Variants in EMB observed in about 807,000 individuals in gnomAD.
EMB encodes the protein embigin.
A neutral mutation model predicts 41.4 loss-of-function variants in EMB; 31 were observed. That is an observed-to-expected ratio of 0.75 (90% confidence interval 0.56 to 1.01). The LOEUF (loss-of-function observed/expected upper bound fraction) is 1.01. Ranked by LOEUF, EMB falls within the 50% of genes least tolerant of loss-of-function variation. The pLI, the probability that EMB is intolerant of heterozygous loss-of-function variation, is 0.00. For synonymous variants in EMB, 137 were observed against 140.4 expected (o/e 0.98, Z 0.17); for missense variants, 379 against 388.3 (o/e 0.98, Z 0.20).
At chr5:50,416,106 AGCAT>A (rs1218716151) in intron 2 of EMB, among the ~76,000 whole-genome samples, 1 of 152,174 alleles carries the variant, frequency 6.6e-6, no homozygotes, top group Non-Finnish European at 1.5e-5. Context: ...AAGAAATCAC[AGCAT>A]CAAAAACATG....
chr5:50,401,291 A>C lies in EMB; in HGVS notation c.911+995T>G, dbSNP rs748608555. On this transcript the variant is annotated intron_variant, in intron 7 of 8. Coordinates refer to ENST00000303221, the MANE Select transcript of EMB (RefSeq NM_198449.3). ...TTATTTTAGCAGCCTATGTGAATGG[A>C]GTCAACATGATTATCTGAATAATGT... Among the ~76,000 whole-genome samples, 6 of 152,098 alleles carry C rather than the reference A, an allele frequency of 3.9e-5. No homozygotes were observed. In the South Asian group the frequency reaches 1.0e-3, roughly 26 times the overall value.
Position 50,411,254 on chromosome 5 carries a change from T to C in EMB, c.326A>G (p.Gln109Arg). ...VNVTWKKDGE[Q>R]LENNYLVSAT... ...ACTGACAAGATAATTATTCTCAAGT[T>C]GTTCACCATCTTTTTTCCAAGTCAC... Residue 109 changes from glutamine to arginine, a missense_variant, in exon 3 of 9, where the codon CAA becomes CGA. Gln to Arg is a conservative substitution (Grantham distance 43). Coordinates refer to ENST00000303221, the MANE Select transcript of EMB (RefSeq NM_198449.3). The C allele has an allele frequency of 6.2e-7, 1 of 1,613,090 alleles. No homozygotes were observed. Among genetic ancestry groups the C allele is most frequent in the Non-Finnish European group, 8.5e-7 (1 of 1,179,386 alleles).
At chr5:50,407,779 A>G (rs573454949) in intron 4 of EMB, among the ~76,000 whole-genome samples, 2 of 152,080 alleles carry the variant, frequency 1.3e-5, no homozygotes, top group East Asian at 3.9e-4. Flanking sequence ...ATAAAGTAGG[A>G]TGCATACGAG....
At chr5:50,410,296 T>C (rs1462724716) in intron 4 of EMB, among the ~76,000 whole-genome samples, 4 of 152,142 alleles carry the variant, frequency 2.6e-5, no homozygotes, top group African/African-American at 7.2e-5. Context: ...TGAGACCTTC[T>C]TGAGTTTTGG....
At position 50,399,295 on chromosome 5, in the gene EMB, G is replaced by C; in HGVS notation, c.967-5C>G. On this transcript the variant is annotated splice_polypyrimidine_tract_variant and splice_region_variant and intron_variant, in intron 8 of 8. Transcript: ENST00000303221. ...TATTCACTGGCCCAGAGACTCCTGA[G>C]TTAAATAAAGCATAATCAAATATAA... 6.2e-7 allele frequency: 1 copy of C among 1,607,604 alleles called. No homozygotes were observed. The highest frequency in any genetic ancestry group is 8.5e-7 in the Non-Finnish European group (1 of 1,176,368).
chr5:50,428,626 C>A, intron 1 of EMB: 1 of 986,046 alleles, frequency 1.0e-6, no homozygotes, highest in South Asian at 4.7e-5. Flanking sequence ...ACAGGCAGAC[C>A]TTAATAAAGA....
In EMB at chr5:50,441,118, C is replaced by A. The variant is rs1456654004; in HGVS notation, c.34G>T (p.Ala12Ser). 17 of 1,512,008 alleles carry A rather than the reference C, an allele frequency of 1.1e-5. No individual in the cohort carries two copies. The highest frequency in any genetic ancestry group is 1.4e-5 in the Non-Finnish European group (16 of 1,134,102). The allele number at this position is 1,512,008 out of a possible 1,614,324, so 93.7% of individuals were successfully genotyped here. A position where few individuals can be genotyped will look rare whatever the true frequency, so the allele number is the denominator to read the frequency against. ...RALPGLLEAR[A>S]RTPRLLLLQC... is the part of the protein sequence containing the mutation. ...AGGAGGAGCAGCCGGGGCGTACGCG[C>A]CCTGGCCTCCAGCAGGCCGGGGAGG... The change falls in exon 1 of 9, where the codon GCG becomes TCG. Residue 12 changes from alanine (A) to serine (S), a missense_variant. Ala to Ser is a moderately conservative substitution (Grantham distance 99). Coordinates refer to ENST00000303221, the MANE Select transcript of EMB (RefSeq NM_198449.3).
chr5:50,416,803 C>T (rs1561135307), intron 2 of EMB, among the ~76,000 whole-genome samples: 1 of 152,102 alleles, frequency 6.6e-6, no homozygotes, highest in Non-Finnish European at 1.5e-5. Context: ...TAAGACACAC[C>T]CACCAGCACC....
intron 5 of EMB, 73 bp downstream of exon 5, chr5:50,405,652 T>C: frequency 6.6e-7 from 1 of 1,520,342 alleles, no homozygotes; most frequent in Non-Finnish European, 8.8e-7. Flanking sequence ...GCTGAGTCTG[T>C]TACAATCTTG....
intron 2 of EMB, among the ~76,000 whole-genome samples, chr5:50,412,883 C>CT (rs34136923): frequency 0.11 from 14,430 of 132,074 alleles, 895 homozygotes; most frequent in Middle Eastern, 0.15. Flanking sequence ...TAAGTACAAG[C>CT]TTTTTTTTTT....
intron 4 of EMB, among the ~76,000 whole-genome samples, chr5:50,409,608 G>A (rs1297664527): frequency 6.6e-6 from 1 of 151,734 alleles, no homozygotes; most frequent in Non-Finnish European, 1.5e-5. Flanking sequence ...GGAAGGGAAG[G>A]AAGGAAATGA....
In EMB at chr5:50,434,008, C is replaced by CT. The variant is rs534723340; in HGVS notation, c.113-5782dup. Among the ~76,000 whole-genome samples, 12 of 152,242 alleles carry CT rather than the reference C, an allele frequency of 7.9e-5. No homozygotes were observed. In the South Asian group the frequency reaches 2.1e-3, roughly 26 times the overall value. ...CTGTCTCTGTTCAAATCTCCTTCTC[C>CT]TTTTTTTATAAAGACCAGTCATTAG... On this transcript the variant is annotated intron_variant, in intron 1 of 8. Transcript: ENST00000303221.
intron 2 of EMB, among the ~76,000 whole-genome samples, chr5:50,421,650 G>A (rs1433636209): frequency 6.6e-6 from 1 of 151,758 alleles, no homozygotes; most frequent in Non-Finnish European, 1.5e-5. Context: ...CAACCCAAAT[G>A]TCCAACAATG....
chr5:50,429,538 A>C (rs1745679300), intron 1 of EMB, among the ~76,000 whole-genome samples: 1 of 152,188 alleles, frequency 6.6e-6, no homozygotes, highest in South Asian at 2.1e-4. Context: ...AGCAGAACCT[A>C]ACTCTCCAAT....
At chr5:50,425,753 G>A (rs1416168146) in intron 2 of EMB, among the ~76,000 whole-genome samples, 4 of 91,552 alleles carry the variant, frequency 4.4e-5, no homozygotes, top group South Asian at 3.3e-4. Context: ...GCACAATCTC[G>A]GCTCGCTGCA....
chr5:50,434,248 G>A (rs887182215), intron 1 of EMB, among the ~76,000 whole-genome samples: 8 of 152,112 alleles, frequency 5.3e-5, no homozygotes, highest in African/African-American at 1.2e-4. Flanking sequence ...ATTATCCAGC[G>A]GAAAATGCCA....
At chr5:50,429,247 G>A (rs1472220550) in intron 1 of EMB, among the ~76,000 whole-genome samples, 1 of 151,996 alleles carries the variant, frequency 6.6e-6, no homozygotes, top group African/African-American at 2.4e-5. Context: ...TTACCTTCCA[G>A]GAAACTACTC....
intron 6 of EMB, among the ~76,000 whole-genome samples, chr5:50,402,876 C>CAA (rs564451334): frequency 0.055 from 2,707 of 49,432 alleles, 52 homozygotes; most frequent in African/African-American, 0.083. Context: ...CCAGTAGCAC[C>CAA]AAAAAAAAAA....
At chr5:50,420,599 C>T (rs1186898166) in intron 2 of EMB, among the ~76,000 whole-genome samples, 4 of 152,206 alleles carry the variant, frequency 2.6e-5, no homozygotes, top group Non-Finnish European at 4.4e-5. Flanking sequence ...TCCGGTTTCA[C>T]CTTTCATATT....
Sources: gnomAD v4.1 joint callset for allele counts (sites outside exome capture counted in the v4.1 genomes callset) on GRCh38, gnomAD v4.1.1 for gene constraint, MANE v1.5 for transcripts, NCBI Gene and HGNC (gene_info 2026-07-23, HGNC 2026-07-21) for gene names.